The following FAM81A variants were observed in gnomAD, a reference collection of about 807,000 sequenced individuals.
FAM81A encodes the protein protein FAM81A.
A neutral mutation model predicts 46.7 loss-of-function variants in FAM81A; 19 were observed. The ratio of observed to expected loss-of-function variants is 0.41; its 90% CI spans 0.28 to 0.60. The LOEUF (loss-of-function observed/expected upper bound fraction) is 0.60. Among genes scored for constraint, FAM81A ranks in the 20% least tolerant of loss-of-function variants. FAM81A has a pLI of 0.34. For synonymous variants in FAM81A, 183 were observed against 152.9 expected, an observed-to-expected ratio of 1.20 and a Z score of -1.45; for missense variants, 377 against 453.5, an observed-to-expected ratio of 0.83 and a Z score of 1.53.
At chr15:59,500,666 T>C (rs561454416) in intron 4 of FAM81A, among the ~76,000 whole-genome samples, 101 of 152,186 alleles carry the variant, frequency 6.6e-4, no homozygotes, top group African/African-American at 2.4e-3. Flanking sequence ...ATTTTTTTTT[T>C]TGGAGACTCT....
intron 2 of FAM81A, among the ~76,000 whole-genome samples, chr15:59,402,554 A>G (rs1350321587): frequency 2.0e-5 from 3 of 151,994 alleles, no homozygotes; most frequent in African/African-American, 7.2e-5. Flanking sequence ...TTTTATTTTT[A>G]TTTCGAGACA....
In FAM81A at chr15:59,508,825, G is replaced by A. The variant is rs371602814; in HGVS notation, c.544-38G>A. 2.8e-4 allele frequency: 422 copies of A among 1,518,024 alleles called. 1 individual carries two copies. Among genetic ancestry groups the A allele is most frequent in the Non-Finnish European group, 3.5e-4 (385 of 1,098,658 alleles). The allele number at this position is 1,518,024 out of a possible 1,614,324, so 94.0% of individuals were successfully genotyped here. A position where few individuals can be genotyped will look rare whatever the true frequency, so the allele number is the denominator to read the frequency against. On this transcript the variant is annotated intron_variant, in intron 5 of 8. Coordinates refer to ENST00000288228, the MANE Select transcript of FAM81A (RefSeq NM_152450.3). Reference sequence around the variant, plus strand: ...GTTTTCTGAAGTTGCATCTGAAGACGTTAGATGTGATATTTATAAGCAAGA... The same window carrying A: ...GTTTTCTGAAGTTGCATCTGAAGACATTAGATGTGATATTTATAAGCAAGA...
At chr15:59,447,999 T>G (rs1394040179) in intron 1 of FAM81A, among the ~76,000 whole-genome samples, 5 of 152,080 alleles carry the variant, frequency 3.3e-5, no homozygotes, top group African/African-American at 1.2e-4. Context: ...GTCTTCTCAC[T>G]GTGGGGAGAA....
At chr15:59,437,361 C>T (rs1012090459), upstream of FAM81A, among the ~76,000 whole-genome samples, 2 of 151,628 alleles carry the variant, frequency 1.3e-5, no homozygotes, top group Non-Finnish European at 2.9e-5. Flanking sequence ...GGTCGTGTCC[C>T]CCGCAACTCC....
At chr15:59,509,583 A>T (rs2082183697) in intron 6 of FAM81A, among the ~76,000 whole-genome samples, 1 of 152,146 alleles carries the variant, frequency 6.6e-6, no homozygotes, top group Non-Finnish European at 1.5e-5. Context: ...GTGACAATGG[A>T]AGCGAGACTG....
intron 2 of FAM81A, among the ~76,000 whole-genome samples, chr15:59,403,473 A>C (rs1327598394): frequency 6.6e-6 from 1 of 152,222 alleles, no homozygotes; most frequent in Non-Finnish European, 1.5e-5. Context: ...GGGTCTCGTC[A>C]GAACCCAATC....
upstream of FAM81A, among the ~76,000 whole-genome samples, chr15:59,434,349 A>G (rs983283708): frequency 4.6e-5 from 7 of 152,206 alleles, no homozygotes; most frequent in South Asian, 4.1e-4. Context: ...CTCTATGGAT[A>G]TTATTTCTCA....
At position 59,412,542 on chromosome 15, in the gene FAM81A, A is replaced by G. The variant is rs2081126038; in HGVS notation, c.-78+10184A>G. Among the ~76,000 whole-genome samples the G allele has an allele frequency of 2.6e-5, 4 of 152,080 alleles. No homozygotes were observed. In the South Asian group the frequency reaches 8.3e-4, roughly 32 times the overall value. ...GGAATTTAAGATTAGCCTCGGCAAC[A>G]TGGCGAAACCCTATCTCTACAAAAA... On this transcript the variant is annotated intron_variant, in intron 2 of 4. Transcript: ENST00000558348.
At chr15:59,425,570 C>A (rs1243926232) in intron 2 of FAM81A, among the ~76,000 whole-genome samples, 1 of 152,092 alleles carries the variant, frequency 6.6e-6, no homozygotes, top group Non-Finnish European at 1.5e-5. Flanking sequence ...AATACTCTAT[C>A]TGGAAAATAT....
At chr15:59,462,225 G>A (rs2081561153) in intron 3 of FAM81A, among the ~76,000 whole-genome samples, 1 of 149,736 alleles carries the variant, frequency 6.7e-6, no homozygotes, top group Admixed American at 6.7e-5. Flanking sequence ...AAAAAACATA[G>A]CCAAATAATT....
chr15:59,512,214 A>G (rs2082218324), intron 6 of FAM81A, among the ~76,000 whole-genome samples: 1 of 152,046 alleles, frequency 6.6e-6, no homozygotes, highest in African/African-American at 2.4e-5. Context: ...CGAGGGGGCT[A>G]ACGCCTGTAA....
chr15:59,417,412 A>C (rs1254836079), intron 2 of FAM81A, among the ~76,000 whole-genome samples: 1 of 152,106 alleles, frequency 6.6e-6, no homozygotes, highest in Non-Finnish European at 1.5e-5. Context: ...AAACAAAAAA[A>C]CAAGCTTTTC....
intron 1 of FAM81A, among the ~76,000 whole-genome samples, chr15:59,456,658 C>T (rs2081488752): frequency 6.6e-6 from 1 of 152,206 alleles, no homozygotes; most frequent in South Asian, 2.1e-4. Context: ...TCACTGTAGC[C>T]TCAGCCTCCC....
chr15:59,416,203 A>T (rs1407346676), intron 2 of FAM81A, among the ~76,000 whole-genome samples: 1 of 152,248 alleles, frequency 6.6e-6, no homozygotes, highest in Non-Finnish European at 1.5e-5. Flanking sequence ...AGGGTGCAGG[A>T]CATGGGACAG....
At chr15:59,399,922 T>G (rs2081062956) in intron 1 of FAM81A, among the ~76,000 whole-genome samples, 1 of 152,190 alleles carries the variant, frequency 6.6e-6, no homozygotes, top group South Asian at 2.1e-4. Flanking sequence ...AGTTTCTCCT[T>G]CTTCAACTAG....
intron 6 of FAM81A, among the ~76,000 whole-genome samples, chr15:59,511,547 T>A (rs76425386): frequency 0.061 from 9,344 of 152,252 alleles, 400 homozygotes; most frequent in African/African-American, 0.12. Context: ...TAGAAAACAG[T>A]CTGGTGTTTT....
chr15:59,453,550 G>A (rs1162910018), intron 1 of FAM81A, among the ~76,000 whole-genome samples: 1 of 152,164 alleles, frequency 6.6e-6, no homozygotes, highest in East Asian at 1.9e-4. Flanking sequence ...ATTGAAGCAA[G>A]AGCCTTTCTT....
In FAM81A at chr15:59,508,497, TAAA is replaced by T. The variant is rs535239124; in HGVS notation, c.544-363_544-361del. On this transcript the variant is annotated intron_variant, in intron 5 of 8. Coordinates refer to ENST00000288228, the MANE Select transcript of FAM81A (RefSeq NM_152450.3). ...AGACCTTGATGGATTTTGTAAACAA[TAAA>T]AATTCTATTTTCTATGACGAGCCGT... 1.7e-3 allele frequency among the ~76,000 whole-genome samples: 254 copies of T among 152,272 alleles called. 1 individual carries two copies. Among genetic ancestry groups the T allele is most frequent in the African/African-American group, 5.8e-3 (242 of 41,552 alleles).
At chr15:59,447,811 G>A (rs970919575) in intron 1 of FAM81A, among the ~76,000 whole-genome samples, 1 of 152,182 alleles carries the variant, frequency 6.6e-6, no homozygotes, top group Non-Finnish European at 1.5e-5. Context: ...GGGGAAAACA[G>A]CATTAAAGGT....
Sources: allele counts gnomAD v4.1 joint callset (sites outside exome capture counted in the v4.1 genomes callset), GRCh38; gene constraint gnomAD v4.1.1; transcripts MANE v1.5; gene names NCBI Gene and HGNC (gene_info 2026-07-23, HGNC 2026-07-21).